Variants in CLCNKB observed in about 807,000 individuals in gnomAD.
CLCNKB encodes chloride channel protein ClC-Kb.
Under a neutral mutation model 83.8 loss-of-function variants are expected in CLCNKB, and 74 were observed. The ratio of observed to expected loss-of-function variants is 0.88; its 90% CI spans 0.73 to 1.07. The LOEUF is 1.07. Among genes scored for constraint, CLCNKB ranks in the 50% least tolerant of loss-of-function variants. The pLI, the probability that CLCNKB is intolerant of heterozygous loss-of-function variation, is 0.00. For synonymous variants in CLCNKB, 358 were observed against 356.6 expected, an observed-to-expected ratio of 1.00 and a Z score of -0.04; for missense variants, 798 against 893.6, an observed-to-expected ratio of 0.89 and a Z score of 1.36.
At chr1:16,049,065 A>G (rs757847801) in intron 7 of CLCNKB, 55 bp from the exon 8 acceptor site, 4 of 1,613,180 alleles carry the variant, frequency 2.5e-6, no homozygotes, top group Non-Finnish European at 3.4e-6. Flanking sequence ...AGGGGGTCCT[A>G]CAGTCACAGG....
intron 17 of CLCNKB, 75 bp downstream of exon 17, chr1:16,055,598 A>T: frequency 6.3e-7 from 1 of 1,590,462 alleles, no homozygotes; most frequent in African/African-American, 1.3e-5. Context: ...GCCCGCTGAT[A>T]TCCTGAGGGA....
intron 19 of CLCNKB, 72 bp from the exon 20 acceptor site, chr1:16,056,797 C>CA: frequency 9.0e-7 from 1 of 1,105,450 alleles, no homozygotes; most frequent in Middle Eastern, 2.0e-4. Flanking sequence ...TTAGGGGAAC[C>CA]AAAAATGCTG....
In CLCNKB at chr1:16,048,602, C is replaced by G. The variant is rs867329175; in HGVS notation, c.655+20C>G. On this transcript the variant is annotated intron_variant, in intron 7 of 19. Coordinates refer to ENST00000375679, the MANE Select transcript of CLCNKB (RefSeq NM_000085.5). ...TCAGCGGTGAGACCCCTTCATGCCCCGCCCCCTGGGTCCCTCAAGCTCCTC... is the reference window on the plus strand; with the variant it reads ...TCAGCGGTGAGACCCCTTCATGCCCGGCCCCCTGGGTCCCTCAAGCTCCTC... 16 of 1,612,766 alleles carry G rather than the reference C, an allele frequency of 9.9e-6. No homozygotes were observed. The highest frequency in any genetic ancestry group is 1.4e-5 in the Non-Finnish European group (16 of 1,179,360).
chr1:16,050,623 G>C (rs758571826), intron 11 of CLCNKB, 23 bp downstream of exon 11: 5 of 1,609,816 alleles, frequency 3.1e-6, no homozygotes, highest in Non-Finnish European at 3.4e-6. Context: ...GAGTGGGGTG[G>C]CAGGAGTGGG....
chr1:16,056,831 A>T (rs776527512), intron 19 of CLCNKB, 38 bp from the exon 20 acceptor site: 2 of 681,634 alleles, frequency 2.9e-6, no homozygotes, highest in Admixed American at 3.1e-5. Flanking sequence ...AACCTCCTCT[A>T]CATCCCCCCG....
chr1:16,051,076 C>T (rs1439778310), intron 12 of CLCNKB, 28 bp downstream of exon 12: 2 of 1,613,182 alleles, frequency 1.2e-6, no homozygotes, highest in Non-Finnish European at 1.7e-6. Context: ...CAGGTGTGCA[C>T]AGAGCTGGGA....
chr1:16,056,962 TGAG>T lies in CLCNKB; in HGVS notation c.*48_*50del, dbSNP rs2023467768. Reference sequence around the variant, plus strand: ...CAGGGCACCCCAGCTGACCTGGTACTGAGGTTGGGCTGAGACCCTGCTTCTCTT... The same window carrying T: ...CAGGGCACCCCAGCTGACCTGGTACTGTTGGGCTGAGACCCTGCTTCTCTT... On this transcript the variant is annotated 3_prime_UTR_variant, in exon 20 of 20. Coordinates refer to ENST00000375679, the MANE Select transcript of CLCNKB (RefSeq NM_000085.5). 6.3e-7 allele frequency: 1 copy of T among 1,579,466 alleles called. No individual in the cohort carries two copies. Among genetic ancestry groups the T allele is most frequent in the Non-Finnish European group, 8.7e-7 (1 of 1,150,870 alleles).
chr1:16,045,523 C>T, intron 2 of CLCNKB, 35 bp from the exon 3 acceptor site: 1 of 1,610,548 alleles, frequency 6.2e-7, no homozygotes, highest in East Asian at 2.2e-5. Context: ...TGCCTCCTGC[C>T]CCACCCTGTG....
rs2023176456 is a variant in CLCNKB at position 16,048,587 on chromosome 1, G to T, written c.655+5G>T. ...TCTTTGCAGCTCCCTTCAGCGGTGAGACCCCTTCATGCCCCGCCCCCTGGG... is the reference window on the plus strand; with the variant it reads ...TCTTTGCAGCTCCCTTCAGCGGTGATACCCCTTCATGCCCCGCCCCCTGGG... On this transcript the variant is annotated splice_donor_5th_base_variant and intron_variant, in intron 7 of 19. Transcript: ENST00000375679. 2.5e-6 allele frequency: 4 copies of T among 1,613,182 alleles called. No homozygotes were observed. The highest frequency in any genetic ancestry group is 1.7e-5 in the Admixed American group (1 of 59,982).
intron 10 of CLCNKB, 52 bp downstream of exon 10, chr1:16,049,968 G>T: frequency 7.5e-7 from 1 of 1,330,956 alleles, no homozygotes. Flanking sequence ...CCCCCTCACC[G>T]TACTCCCAAC....
rs943386559 is a variant in CLCNKB, at chr1:16,051,355, G to T, written c.1228-123G>T. On this transcript the variant is annotated intron_variant, in intron 12 of 19. Coordinates refer to ENST00000375679, the MANE Select transcript of CLCNKB (RefSeq NM_000085.5). ...CCTCCCCTAATGCCAGACTCTGGCA[G>T]TGGGTGCATGGCCGGCACCCTCTTT... 11 of 1,279,518 alleles carry T rather than the reference G, an allele frequency of 8.6e-6. No homozygotes were observed. In the African/African-American group the frequency reaches 1.2e-4, roughly 14 times the overall value. 79.3% of individuals were successfully genotyped at this position (1,279,518 alleles called of 1,614,324 possible).
rs772916642 is a variant in CLCNKB, at chr1:16,055,536, G to C, written c.1845+13G>C. On this transcript the variant is annotated intron_variant, in intron 17 of 19. Transcript: ENST00000375679. ...TCCTGGACACCAGGTGGGTACTCCTGAGGGGCATGGGGATGGGGCGGGGGT... is the reference window on the plus strand; with the variant it reads ...TCCTGGACACCAGGTGGGTACTCCTCAGGGGCATGGGGATGGGGCGGGGGT... 1 of 1,584,518 alleles carries C rather than the reference G, an allele frequency of 6.3e-7. No homozygotes were observed. Among genetic ancestry groups the C allele is most frequent in the South Asian group, 1.1e-5 (1 of 89,984 alleles).
At chr1:16,050,321 C>T (rs10927894) in intron 10 of CLCNKB, among the ~76,000 whole-genome samples, 195 bp from the exon 11 acceptor site, 51 of 152,216 alleles carry the variant, frequency 3.4e-4, no homozygotes, top group Non-Finnish European at 6.3e-4. Flanking sequence ...CCCCAATTCT[C>T]CTATCAGCCT....
intron 7 of CLCNKB, 173 bp from the exon 8 acceptor site, chr1:16,048,947 G>C (rs1172679590): frequency 2.7e-5 from 40 of 1,492,248 alleles, no homozygotes; most frequent in Non-Finnish European, 3.4e-5. Context: ...TCTCTGGGCA[G>C]CGGGCTCCTC....
chr1:16,056,938 A>T lies in CLCNKB; in HGVS notation c.*22A>T, dbSNP rs1348504907. On this transcript the variant is annotated 3_prime_UTR_variant, in exon 20 of 20. Coordinates refer to ENST00000375679, the MANE Select transcript of CLCNKB (RefSeq NM_000085.5). Reference sequence around the variant, plus strand: ...GTGAGCCGGCCCAGCAAGATGAAACAGGGCACCCCAGCTGACCTGGTACTG... The same window carrying T: ...GTGAGCCGGCCCAGCAAGATGAAACTGGGCACCCCAGCTGACCTGGTACTG... 1 of 1,610,834 alleles carries T rather than the reference A, an allele frequency of 6.2e-7. No individual in the cohort carries two copies. Among genetic ancestry groups the T allele is most frequent in the South Asian group, 1.1e-5 (1 of 90,896 alleles).
At position 16,047,957 on chromosome 1, in the gene CLCNKB, C is replaced by G; in HGVS notation, c.411C>G (p.Asp137Glu). 1 of 1,614,082 alleles carries G rather than the reference C, an allele frequency of 6.2e-7. No homozygotes were observed. ...TGTTGGCGGGTGTGGTCTTGGAGGA[C>G]TACCTGGATATCAAGAACTTTGGGG... ...KTMLAGVVLE[D>E]YLDIKNFGAK... Residue 137 changes from aspartate to glutamate, a missense_variant, in exon 5 of 20, where the codon GAC (aspartate) becomes GAG (glutamate). Asp to Glu is a conservative substitution (Grantham distance 45). Coordinates refer to ENST00000375679, the MANE Select transcript of CLCNKB (RefSeq NM_000085.5).
At chr1:16,044,754 T>C (rs2124081784) in intron 2 of CLCNKB, among the ~76,000 whole-genome samples, 162 bp downstream of exon 2, 1 of 152,314 alleles carries the variant, frequency 6.6e-6, no homozygotes, top group South Asian at 2.1e-4. Flanking sequence ...GGAAGGGGTC[T>C]GTCTGTCCAG....
chr1:16,055,555 C>CTGGGGGTGGGGGG, intron 17 of CLCNKB, 32 bp downstream of exon 17: 1 of 697,146 alleles, frequency 1.4e-6, no homozygotes, highest in Non-Finnish European at 2.5e-6. Context: ...GGGGATGGGG[C>CTGGGGGTGGGGGG]GGGGGTGGGT....
chr1:16,054,106 G>A (rs1249410042), intron 16 of CLCNKB, among the ~76,000 whole-genome samples: 1 of 152,146 alleles, frequency 6.6e-6, no homozygotes, highest in Non-Finnish European at 1.5e-5. Context: ...TTCCCCAGAT[G>A]AGTCCCCTCC....
Sources: gnomAD v4.1 joint callset for allele counts (sites outside exome capture counted in the v4.1 genomes callset) on GRCh38, gnomAD v4.1.1 for gene constraint, MANE v1.5 for transcripts, NCBI Gene and HGNC (gene_info 2026-07-23, HGNC 2026-07-21) for gene names.